The following HHAT variants were observed in gnomAD, a reference collection of about 807,000 sequenced individuals.
HHAT encodes the protein hedgehog acyltransferase, also known as protein-cysteine N-palmitoyltransferase HHAT.
Under a neutral mutation model 70.8 loss-of-function variants are expected in HHAT, and 47 were observed. The ratio of observed to expected loss-of-function variants is 0.66; its 90% CI spans 0.53 to 0.85. The LOEUF is 0.85. Among genes scored for constraint, HHAT ranks in the 40% least tolerant of loss-of-function variants. HHAT has a pLI of 0.00. For missense variants in HHAT, 609 were observed against 604.8 expected, an observed-to-expected ratio of 1.01 and a Z score of -0.07; for synonymous variants, 228 against 247.6, an observed-to-expected ratio of 0.92 and a Z score of 0.74.
At chr1:210,629,545 A>C (rs1670457175) in intron 11 of HHAT, among the ~76,000 whole-genome samples, 1 of 152,228 alleles carries the variant, frequency 6.6e-6, no homozygotes, top group South Asian at 2.1e-4. Flanking sequence ...TTAAAACAAC[A>C]CAAGTTTATT....
rs570756652 is a variant in HHAT at position 210,645,002 on chromosome 1, C to T, written c.1390+21332C>T. Among the ~76,000 whole-genome samples the T allele has an allele frequency of 6.6e-5, 10 of 152,234 alleles. No individual in the cohort carries two copies. In the East Asian group the frequency reaches 1.5e-3, roughly 24 times the overall value. On this transcript the variant is annotated intron_variant, in intron 11 of 11. Coordinates refer to ENST00000261458, the MANE Select transcript of HHAT (RefSeq NM_018194.6). The stretch of plus-strand genomic sequence containing the variant: ...GGGTTTCTCTCACATTTACTAATTG[C>T]ACTTGCCTGGGCCTTTAATATATTT...
At chr1:210,405,437 C>G (rs2092290459) in intron 6 of HHAT, among the ~76,000 whole-genome samples, 1 of 152,124 alleles carries the variant, frequency 6.6e-6, no homozygotes, top group Non-Finnish European at 1.5e-5. Context: ...AAACAGTGTT[C>G]TCAAGGGATA....
intron 2 of HHAT, among the ~76,000 whole-genome samples, chr1:210,361,292 CTG>C (rs2088279988): frequency 6.6e-6 from 1 of 152,218 alleles, no homozygotes; most frequent in Non-Finnish European, 1.5e-5. Flanking sequence ...GGACTTGAGT[CTG>C]TGTGTCTGTG....
intron 8 of HHAT, among the ~76,000 whole-genome samples, chr1:210,479,620 T>G (rs527379010): frequency 1.1e-4 from 16 of 152,348 alleles, no homozygotes; most frequent in African/African-American, 3.8e-4. Flanking sequence ...CCTAGTTTAC[T>G]TGATGTTGGT....
At chr1:210,581,519 G>A (rs1659263317) in intron 9 of HHAT, among the ~76,000 whole-genome samples, 2 of 152,198 alleles carry the variant, frequency 1.3e-5, no homozygotes, top group Non-Finnish European at 2.9e-5. Context: ...CACCACCAGT[G>A]TAACATGGAC....
At chr1:210,602,910 T>C (rs773896078) in intron 10 of HHAT, among the ~76,000 whole-genome samples, 7 of 152,218 alleles carry the variant, frequency 4.6e-5, no homozygotes, top group Non-Finnish European at 1.0e-4. Flanking sequence ...TTAACCTCTC[T>C]GGTCTAAGAG....
chr1:210,562,812 C>G (rs577080096), intron 9 of HHAT, among the ~76,000 whole-genome samples: 1 of 118,664 alleles, frequency 8.4e-6, no homozygotes, highest in African/African-American at 3.0e-5. Flanking sequence ...CCCCTCCCCC[C>G]ACCCCACAAC....
At chr1:210,671,959 C>G (rs1217883507) in intron 11 of HHAT, among the ~76,000 whole-genome samples, 1 of 152,210 alleles carries the variant, frequency 6.6e-6, no homozygotes, top group East Asian at 1.9e-4. Flanking sequence ...CTTGACTTCC[C>G]TGTTGTCACT....
At position 210,418,239 on chromosome 1, in the gene HHAT, T is replaced by C. The variant is rs2092784129; in HGVS notation, c.770T>C (p.Leu257Pro). The C allele has an allele frequency of 6.2e-7, 1 of 1,614,080 alleles. No homozygotes were observed. Among genetic ancestry groups the C allele is most frequent in the Middle Eastern group, 1.6e-4 (1 of 6,062 alleles). The change falls in exon 7 of 12, where the codon CTG becomes CCG. Residue 257 changes from leucine (L) to proline (P), a missense_variant. Transcript: ENST00000261458. ...GGCCGCCTTCTTTGCTGGTGGTGGC[T>C]GGCCGAGCTGATGGCTCACCTGATG... is the stretch of plus-strand genomic sequence containing the variant. ...GLGRLLCWWW[L>P]AELMAHLMYM...
intron 11 of HHAT, among the ~76,000 whole-genome samples, chr1:210,637,997 A>G (rs1317200375): frequency 6.6e-6 from 1 of 152,222 alleles, no homozygotes; most frequent in Non-Finnish European, 1.5e-5. Context: ...GCAATAAGAT[A>G]CTACTTCACA....
intron 10 of HHAT, among the ~76,000 whole-genome samples, chr1:210,611,967 CT>C (rs1234124290): frequency 6.6e-6 from 1 of 152,042 alleles, no homozygotes; most frequent in Non-Finnish European, 1.5e-5. Flanking sequence ...CTGAAGTGTT[CT>C]TTTTTTGTTG....
chr1:210,497,730 A>G (rs552811353), intron 8 of HHAT, among the ~76,000 whole-genome samples: 10 of 151,588 alleles, frequency 6.6e-5, no homozygotes, highest in African/African-American at 2.2e-4. Flanking sequence ...TTTGTTCTCG[A>G]AGAGTTGCTG....
At chr1:210,444,658 T>C (rs1042898739) in intron 7 of HHAT, among the ~76,000 whole-genome samples, 1 of 152,162 alleles carries the variant, frequency 6.6e-6, no homozygotes, top group African/African-American at 2.4e-5. Flanking sequence ...TATTCTCTGA[T>C]GGTAGTTTGT....
chr1:210,380,019 G>A (rs977150469), intron 3 of HHAT, among the ~76,000 whole-genome samples: 5 of 152,090 alleles, frequency 3.3e-5, no homozygotes, highest in Admixed American at 1.3e-4. Flanking sequence ...GGCAGATACC[G>A]GATGCTCCAC....
rs1446864179 is a variant in HHAT, at chr1:210,465,881, GGAATTGCAAGGAAT to G, written c.1007+1241_1007+1254del. The stretch of plus-strand genomic sequence containing the variant: ...AGGAATTGCAAGGAATGAATTGCAA[GGAATTGCAAGGAAT>G]GAATTGCAAGGAATTGCAAGGAATG... On this transcript the variant is annotated intron_variant, in intron 8 of 11. Transcript: ENST00000261458. 1.1e-4 allele frequency among the ~76,000 whole-genome samples: 16 copies of G among 151,912 alleles called. No homozygotes were observed. The South Asian group carries it at 1.9e-3, about 18-fold the overall frequency.
At chr1:210,586,561 C>A (rs76928831) in intron 9 of HHAT, among the ~76,000 whole-genome samples, 35 of 152,274 alleles carry the variant, frequency 2.3e-4, no homozygotes, top group African/African-American at 8.4e-4. Flanking sequence ...ATAAACAGGA[C>A]AAATGCTAAA....
intron 1 of HHAT, among the ~76,000 whole-genome samples, chr1:210,334,186 T>G (rs2085269128): frequency 7.1e-6 from 1 of 139,968 alleles, no homozygotes; most frequent in South Asian, 2.4e-4. Context: ...TCATTTTTTT[T>G]TTTTTTTTTT....
chr1:210,348,891 A>G, intron 1 of HHAT, 42 bp from the exon 2 acceptor site: 1 of 1,563,734 alleles, frequency 6.4e-7, no homozygotes, highest in African/African-American at 1.4e-5. Flanking sequence ...GCTGTTCTCT[A>G]GTGTCATGTT....
chr1:210,588,101 T>G lies in HHAT; in HGVS notation c.1245+2T>G. 3 of 1,597,880 alleles carry G rather than the reference T, an allele frequency of 1.9e-6. No homozygotes were observed. Among genetic ancestry groups the G allele is most frequent in the African/African-American group, 1.3e-5 (1 of 74,952 alleles). Reference sequence around the variant, plus strand: ...ACTCCCTGCATCCAGGACAGTCTGGTGAGCAGGATCCTTGCTGCTGTGTTA... The same window carrying G: ...ACTCCCTGCATCCAGGACAGTCTGGGGAGCAGGATCCTTGCTGCTGTGTTA... On this transcript the variant is annotated splice_donor_variant, in intron 10 of 11. Transcript: ENST00000261458. LOFTEE classifies it high-confidence loss of function.
Sources: gnomAD v4.1 joint callset for allele counts (sites outside exome capture counted in the v4.1 genomes callset) on GRCh38, gnomAD v4.1.1 for gene constraint, MANE v1.5 for transcripts, NCBI Gene and HGNC (gene_info 2026-07-23, HGNC 2026-07-21) for gene names.